NXPE2: variants seen among roughly 807,000 people sequenced by gnomAD.
NXPE2 encodes the protein neurexophilin and PC-esterase domain family member 2.
In NXPE2, 34 loss-of-function variants were observed where a neutral mutation model predicts 34.4. The observed-to-expected ratio is 0.99, with a 90% confidence interval of 0.75 to 1.31. NXPE2 has a LOEUF of 1.31. NXPE2 is among the 40% of genes most tolerant of loss of function. NXPE2 has a pLI of 0.00. For synonymous variants in NXPE2, 235 were observed against 231.3 expected, an observed-to-expected ratio of 1.02 and a Z score of -0.15; for missense variants, 649 against 672.5, an observed-to-expected ratio of 0.97 and a Z score of 0.39.
chr11:114,664,761 C>T, the NXPE2 span, among the ~76,000 whole-genome samples: 8 of 152,132 alleles, frequency 5.3e-5, no homozygotes, highest in Non-Finnish European at 1.2e-4. Context: ...GTTCCCCTAG[C>T]AATATGCTGT....
At chr11:114,483,949 A>G in the NXPE2 span, among the ~76,000 whole-genome samples, 1 of 151,962 alleles carries the variant, frequency 6.6e-6, no homozygotes, top group Non-Finnish European at 1.5e-5. Context: ...CTCACCTTTG[A>G]GTGTCTGATG....
At chr11:114,552,198 C>T in the NXPE2 span, 1 of 152,244 alleles carries the variant, frequency 6.6e-6, no homozygotes, top group East Asian at 1.9e-4. Context: ...AGTTGCAACT[C>T]ATATTGAATC....
chr11:114,514,093 T>C, the NXPE2 span, among the ~76,000 whole-genome samples: 1 of 152,078 alleles, frequency 6.6e-6, no homozygotes, highest in East Asian at 1.9e-4. Flanking sequence ...ATATGTTTTC[T>C]TTTTTACATA....
chr11:114,485,367 C>A, the NXPE2 span, among the ~76,000 whole-genome samples: 4 of 146,640 alleles, frequency 2.7e-5, no homozygotes, highest in Non-Finnish European at 4.5e-5. Flanking sequence ...TACCATCACG[C>A]CTGGCTAATT....
the NXPE2 span, among the ~76,000 whole-genome samples, chr11:114,803,814 G>A: frequency 0.021 from 3,258 of 152,028 alleles, 121 homozygotes; most frequent in African/African-American, 0.074. Flanking sequence ...TCCAGACCTC[G>A]TGATCCGCCC....
the NXPE2 span, among the ~76,000 whole-genome samples, chr11:114,805,022 G>A: frequency 7.2e-5 from 11 of 152,100 alleles, no homozygotes; most frequent in East Asian, 1.9e-3. Flanking sequence ...TTTGGAGTGG[G>A]GGTCTAAGGA....
chr11:114,642,874 T>C, the NXPE2 span, among the ~76,000 whole-genome samples: 5 of 152,166 alleles, frequency 3.3e-5, no homozygotes, highest in African/African-American at 9.6e-5. Flanking sequence ...ATTTACACTC[T>C]CACCAACAGT....
the NXPE2 span, among the ~76,000 whole-genome samples, chr11:114,561,002 T>A: frequency 6.6e-6 from 1 of 152,232 alleles, no homozygotes; most frequent in African/African-American, 2.4e-5. Context: ...TTGGAGACCT[T>A]TCTCTCATGC....
At chr11:114,671,254 G>T in the NXPE2 span, among the ~76,000 whole-genome samples, 1 of 151,154 alleles carries the variant, frequency 6.6e-6, no homozygotes, top group Admixed American at 6.6e-5. Context: ...AGAGAACAGA[G>T]AGAAAAATAA....
chr11:114,612,829 G>A, the NXPE2 span, among the ~76,000 whole-genome samples: 5 of 151,920 alleles, frequency 3.3e-5, no homozygotes, highest in Non-Finnish European at 7.4e-5. Flanking sequence ...GTTACCCAGA[G>A]GATAGTAAGT....
In NXPE2 at chr11:114,704,044, C is replaced by G. The variant is rs542228122; in HGVS notation, c.920C>G (p.Pro307Arg). ...MKNFTPIEVIPCNKSENIKKN... is the reference protein window; with the variant it reads ...MKNFTPIEVIRCNKSENIKKN... The stretch of plus-strand genomic sequence containing the variant: ...AACTTTACCCCCATTGAGGTCATAC[C>G]ATGCAACAGTAAGTCTGGAGTGTTG... The change falls in exon 4 of 6, where the codon CCA becomes CGA. Residue 307 changes from proline to arginine, a missense_variant. Coordinates refer to ENST00000389586, the MANE Select transcript of NXPE2 (RefSeq NM_182495.6). The G allele has an allele frequency of 1.2e-5, 19 of 1,550,302 alleles. No homozygotes were observed. Among genetic ancestry groups the G allele is most frequent in the Admixed American group, 2.0e-5 (1 of 50,990 alleles).
At chr11:114,507,957 T>C in the NXPE2 span, among the ~76,000 whole-genome samples, 6 of 152,222 alleles carry the variant, frequency 3.9e-5, no homozygotes, top group Non-Finnish European at 8.8e-5. Flanking sequence ...ATACTATCCC[T>C]GTTTGCAGAC....
At chr11:114,474,536 C>G in the NXPE2 span, among the ~76,000 whole-genome samples, 2 of 152,242 alleles carry the variant, frequency 1.3e-5, no homozygotes, top group East Asian at 3.9e-4. Flanking sequence ...GTAAGACTTA[C>G]AGTTATCATT....
chr11:114,553,228 T>C, the NXPE2 span, among the ~76,000 whole-genome samples: 1 of 152,240 alleles, frequency 6.6e-6, no homozygotes, highest in Non-Finnish European at 1.5e-5. Flanking sequence ...ATATGTGCTA[T>C]ACTGTTGTAT....
chr11:114,656,316 G>T, the NXPE2 span, among the ~76,000 whole-genome samples: 41 of 152,158 alleles, frequency 2.7e-4, no homozygotes, highest in Non-Finnish European at 4.7e-4. Flanking sequence ...AATTCTCATG[G>T]ATAGGAAGAA....
chr11:114,529,630 T>C, the NXPE2 span: 1,025 of 158,770 alleles, frequency 6.5e-3, 14 homozygotes, highest in African/African-American at 0.022. Flanking sequence ...GAGAGGTATA[T>C]ACTGAGGAAT....
the NXPE2 span, among the ~76,000 whole-genome samples, chr11:114,660,515 T>C: frequency 6.6e-6 from 1 of 151,966 alleles, no homozygotes; most frequent in Non-Finnish European, 1.5e-5. Context: ...AGAAAAACCC[T>C]ATGATAATCT....
At chr11:114,681,157 C>G (rs888568629) in intron 2 of NXPE2, among the ~76,000 whole-genome samples, 1 of 152,030 alleles carries the variant, frequency 6.6e-6, no homozygotes, top group African/African-American at 2.4e-5. Context: ...TTCTTTAGAC[C>G]GATACTTTGT....
chr11:114,567,674 A>T, the NXPE2 span, among the ~76,000 whole-genome samples: 3 of 152,202 alleles, frequency 2.0e-5, no homozygotes, highest in Admixed American at 2.0e-4. Context: ...AGTTACAAGG[A>T]TGAGAAAGAT....
Sources: gnomAD v4.1 joint callset for allele counts (sites outside exome capture counted in the v4.1 genomes callset) on GRCh38, gnomAD v4.1.1 for gene constraint, MANE v1.5 for transcripts, NCBI Gene and HGNC (gene_info 2026-07-23, HGNC 2026-07-21) for gene names.